Variants in CBLN2 observed in about 807,000 individuals in gnomAD.
The protein encoded by CBLN2 is cerebellin-2.
In CBLN2, 7 loss-of-function variants were observed where a neutral mutation model predicts 15.0. That is an observed-to-expected ratio of 0.47 (90% confidence interval 0.27 to 0.88). The LOEUF is 0.88. Among genes scored for constraint, CBLN2 ranks in the 40% least tolerant of loss-of-function variants. The pLI is 0.14. For missense variants in CBLN2, 242 were observed against 304.5 expected, an observed-to-expected ratio of 0.79 and a Z score of 1.53; for synonymous variants, 149 against 135.2, an observed-to-expected ratio of 1.10 and a Z score of -0.71.
rs950477395 is a variant in CBLN2, at chr18:72,577,315, T to C, written c.16-38543A>G. ...CACAAATTAGTTTTATAATTATTTT[T>C]TAAAAAGCACATTTTAAAACGAATA... On this transcript the variant is annotated intron_variant, in intron 1 of 2. Coordinates refer to the CBLN2 transcript ENST00000581073. Among the ~76,000 whole-genome samples, 8 of 152,148 alleles carry C rather than the reference T, an allele frequency of 5.3e-5. 1 individual carries two copies. The East Asian group carries it at 1.5e-3, about 29-fold the overall frequency.
At chr18:72,618,866 G>T in intron 1 of CBLN2, 3 of 729,268 alleles carry the variant, frequency 4.1e-6, no homozygotes, top group African/African-American at 1.7e-5. Flanking sequence ...GGTTCTGGAA[G>T]CTTTAGCGGT....
chr18:72,579,802 C>T (rs1271842970), intron 1 of CBLN2, among the ~76,000 whole-genome samples: 1 of 152,006 alleles, frequency 6.6e-6, no homozygotes, highest in African/African-American at 2.4e-5. Context: ...TAAGTCTACT[C>T]AATTTTTTTC....
At chr18:72,542,568 G>C (rs564867484) in intron 2 of CBLN2, among the ~76,000 whole-genome samples, 5 of 152,088 alleles carry the variant, frequency 3.3e-5, no homozygotes, top group Non-Finnish European at 7.4e-5. Context: ...GGAGGGGGCC[G>C]CGCTTCTGCA....
Position 72,538,140 on chromosome 18 carries a change from G to C in CBLN2, c.*36C>G, listed in dbSNP as rs1158486498. 1 of 1,609,790 alleles carries C rather than the reference G, an allele frequency of 6.2e-7. No individual in the cohort carries two copies. Among genetic ancestry groups the C allele is most frequent in the Admixed American group, 1.7e-5 (1 of 60,002 alleles). On this transcript the variant is annotated 3_prime_UTR_variant, in exon 5 of 5. Transcript: ENST00000269503. Reference sequence around the variant, plus strand: ...TTTAAAGGGCGGAGTCCTGGGTCCAGTTTGCCATTCCCCCACCATCTAGGG... The same window carrying C: ...TTTAAAGGGCGGAGTCCTGGGTCCACTTTGCCATTCCCCCACCATCTAGGG...
chr18:72,600,376 ACAGT>A (rs529998910), intron 1 of CBLN2, among the ~76,000 whole-genome samples: 5 of 152,196 alleles, frequency 3.3e-5, no homozygotes, highest in Non-Finnish European at 5.9e-5. Context: ...GGCAGTGAAG[ACAGT>A]CAGGGGAATC....
chr18:72,566,050 G>T (rs1488308212), intron 1 of CBLN2, among the ~76,000 whole-genome samples: 1 of 152,030 alleles, frequency 6.6e-6, no homozygotes, highest in Non-Finnish European at 1.5e-5. Context: ...CAAATGGTCC[G>T]CAGGTATACA....
chr18:72,606,172 C>CT (rs1241916782), intron 1 of CBLN2, among the ~76,000 whole-genome samples: 1 of 152,126 alleles, frequency 6.6e-6, no homozygotes, highest in Non-Finnish European at 1.5e-5. Context: ...TTTCTACCTT[C>CT]TTTTTTTGCC....
chr18:72,569,654 C>T (rs902050516), intron 1 of CBLN2, among the ~76,000 whole-genome samples: 1 of 152,136 alleles, frequency 6.6e-6, no homozygotes, highest in Non-Finnish European at 1.5e-5. Context: ...AGGCCCCACA[C>T]ATGGCGAAGG....
intron 1 of CBLN2, chr18:72,619,013 A>G: frequency 2.6e-6 from 2 of 761,728 alleles, no homozygotes; most frequent in South Asian, 2.7e-5. Flanking sequence ...TTTGGTAATG[A>G]TGGAAGCAAT....
At chr18:72,596,823 T>C (rs1361765266) in intron 1 of CBLN2, among the ~76,000 whole-genome samples, 1 of 152,238 alleles carries the variant, frequency 6.6e-6, no homozygotes, top group East Asian at 1.9e-4. Context: ...TTTGTTTCTT[T>C]TCTCTTGCTG....
chr18:72,579,654 C>A (rs902486406), intron 1 of CBLN2, among the ~76,000 whole-genome samples: 1 of 152,186 alleles, frequency 6.6e-6, no homozygotes, highest in Admixed American at 6.5e-5. Context: ...ATTGCTTGAA[C>A]CTGGGAGGCA....
In CBLN2 at chr18:72,567,197, T is replaced by C. The variant is rs113047279; in HGVS notation, c.16-28425A>G. Among the ~76,000 whole-genome samples, 938 of 152,314 alleles carry C rather than the reference T, an allele frequency of 6.2e-3. 9 individuals carry two copies. Among genetic ancestry groups the C allele is most frequent in the African/African-American group, 0.021 (892 of 41,568 alleles). On this transcript the variant is annotated intron_variant, in intron 1 of 2. Coordinates refer to the CBLN2 transcript ENST00000581073. ...GATCATCGCACAGTGTGTGCATGCA[T>C]TGAAACATCATACCGTATTCCATAA... is the stretch of plus-strand genomic sequence containing the variant.
chr18:72,542,416 G>C, intron 2 of CBLN2, 90 bp from the exon 3 acceptor site: 1 of 223,534 alleles, frequency 4.5e-6, no homozygotes, highest in Non-Finnish European at 8.5e-6. Flanking sequence ...CGGCTCGGGG[G>C]TTCTCCCCGA....
chr18:72,595,287 A>G (rs1205141524), intron 1 of CBLN2, among the ~76,000 whole-genome samples: 3 of 152,022 alleles, frequency 2.0e-5, no homozygotes, highest in Non-Finnish European at 4.4e-5. Context: ...TTTATTGACA[A>G]CTGGTCATTC....
At chr18:72,540,159 A>G (rs906320461) in intron 3 of CBLN2, 1 of 152,204 alleles carries the variant, frequency 6.6e-6, no homozygotes, top group Non-Finnish European at 1.5e-5. Flanking sequence ...TGTCTTCCTT[A>G]CAAAGCTTTT....
chr18:72,625,818 C>CTCTCTATA (rs1469005975), intron 1 of CBLN2, among the ~76,000 whole-genome samples: 1 of 57,394 alleles, frequency 1.7e-5, no homozygotes, highest in Non-Finnish European at 3.2e-5. Context: ...CTCTCTCTCT[C>CTCTCTATA]TATATATATA....
chr18:72,597,715 G>A (rs1332441674), intron 1 of CBLN2, among the ~76,000 whole-genome samples: 4 of 152,196 alleles, frequency 2.6e-5, no homozygotes, highest in African/African-American at 4.8e-5. Context: ...GATCTACCTG[G>A]TGTTCTATTC....
At position 72,542,099 on chromosome 18, in the gene CBLN2, G is replaced by GC; in HGVS notation, c.61dup (p.Ala21GlyfsTer109). 5 of 1,465,672 alleles carry GC rather than the reference G, an allele frequency of 3.4e-6. No homozygotes were observed. The highest frequency in any genetic ancestry group is 2.7e-5 in the South Asian group (2 of 73,032). 90.8% of individuals were successfully genotyped at this position (1,465,672 alleles called of 1,614,324 possible). A position where few individuals can be genotyped will look rare whatever the true frequency, so the allele number is the denominator to read the frequency against. On this transcript the variant is annotated frameshift_variant, in exon 3 of 5. Transcript: ENST00000269503. LOFTEE classifies it high-confidence loss of function. ...TCCGCAGCCGCCCGGCTCGCGCAGCGCCCCCCGGCGCCCGGGCATCATCAG... is the reference window on the plus strand; with the variant it reads ...TCCGCAGCCGCCCGGCTCGCGCAGCGCCCCCCCGGCGCCCGGGCATCATCAG...
upstream of CBLN2, among the ~76,000 whole-genome samples, chr18:72,545,694 A>G (rs2069153041): frequency 6.6e-6 from 1 of 152,240 alleles, no homozygotes; most frequent in Non-Finnish European, 1.5e-5. Context: ...AAGCATAGAT[A>G]GCAAAGAACA....
Sources: allele counts gnomAD v4.1 joint callset (sites outside exome capture counted in the v4.1 genomes callset), GRCh38; gene constraint gnomAD v4.1.1; transcripts MANE v1.5; gene names NCBI Gene and HGNC (gene_info 2026-07-23, HGNC 2026-07-21).